The following CADM2 variants were observed in gnomAD, a reference collection of about 807,000 sequenced individuals.
CADM2 encodes cell adhesion molecule 2.
A neutral mutation model predicts 49.8 loss-of-function variants in CADM2; 12 were observed. That is an observed-to-expected ratio of 0.24 (90% CI 0.15 to 0.39). The LOEUF is 0.39. Among genes scored for constraint, CADM2 ranks in the 10% least tolerant of loss-of-function variants. The pLI is 1.00. For missense variants in CADM2, 378 were observed against 492.3 expected (o/e 0.77, Z 2.20); for synonymous variants, 214 against 175.4 (o/e 1.22, Z -1.74).
intron 1 of CADM2, among the ~76,000 whole-genome samples, chr3:85,675,574 C>A: frequency 6.6e-6 from 1 of 152,072 alleles, no homozygotes; most frequent in East Asian, 1.9e-4. Flanking sequence ...ATCTAACACC[C>A]CGATAGAATT....
chr3:85,640,902 C>G (rs2064689937), intron 1 of CADM2, among the ~76,000 whole-genome samples: 1 of 152,148 alleles, frequency 6.6e-6, no homozygotes, highest in Non-Finnish European at 1.5e-5. Context: ...ACATTTCTAT[C>G]TTGCTTCAGA....
At chr3:85,663,833 T>C (rs1318072333) in intron 1 of CADM2, among the ~76,000 whole-genome samples, 1 of 151,986 alleles carries the variant, frequency 6.6e-6, no homozygotes, top group African/African-American at 2.4e-5. Context: ...AAAAGAGTGG[T>C]TTATGCTATC....
At chr3:85,873,561 G>A (rs767079033) in intron 3 of CADM2, among the ~76,000 whole-genome samples, 1 of 152,134 alleles carries the variant, frequency 6.6e-6, no homozygotes, top group African/African-American at 2.4e-5. Context: ...AGCTACTGGG[G>A]AGGCTGAGAC....
At chr3:85,206,205 A>G (rs2041629137) in intron 1 of CADM2, among the ~76,000 whole-genome samples, 1 of 152,092 alleles carries the variant, frequency 6.6e-6, no homozygotes. Context: ...TTGTCAAATC[A>G]GAAACATAAG....
intron 1 of CADM2, among the ~76,000 whole-genome samples, chr3:85,675,911 T>C (rs2065875146): frequency 6.6e-6 from 1 of 152,174 alleles, no homozygotes; most frequent in Non-Finnish European, 1.5e-5. Flanking sequence ...GTGCATGGCA[T>C]TGGAAAACAA....
intron 3 of CADM2, among the ~76,000 whole-genome samples, chr3:85,838,511 A>T (rs2074500757): frequency 6.6e-6 from 1 of 151,850 alleles, no homozygotes; most frequent in Admixed American, 6.6e-5. Context: ...AAATAATTTT[A>T]ACAATTATTT....
chr3:84,997,719 C>T (rs1333541197), intron 1 of CADM2, among the ~76,000 whole-genome samples: 1 of 151,692 alleles, frequency 6.6e-6, no homozygotes, highest in East Asian at 1.9e-4. Context: ...AAAAAAACTC[C>T]ACAAATTTTC....
intron 1 of CADM2, among the ~76,000 whole-genome samples, chr3:85,592,420 C>T (rs138169732): frequency 1.2e-3 from 176 of 152,072 alleles, no homozygotes; most frequent in African/African-American, 4.1e-3. Context: ...CCAAATTCTA[C>T]AGGAGCTGCT....
At position 85,057,411 on chromosome 3, in the gene CADM2, G is replaced by A. The variant is rs544968541; in HGVS notation, c.61+97743G>A. 3.0e-4 allele frequency among the ~76,000 whole-genome samples: 45 copies of A among 151,528 alleles called. 1 individual carries two copies. In the South Asian group the frequency reaches 7.9e-3, roughly 27 times the overall value. On this transcript the variant is annotated intron_variant, in intron 1 of 9. Coordinates refer to ENST00000383699, the MANE Select transcript of CADM2 (RefSeq NM_001167675.2). ...TTACACAAATTCAGGATACACATCA[G>A]GACAGTCATAAAAATTATTAATTAA...
rs555813863 is a variant in CADM2 at position 84,976,247 on chromosome 3, G to A, written c.61+16579G>A. ...TATCTACATGTTCAGAAACCATTCC[G>A]TGTTTGATTCACTTTTTGAAAGTTG... is the stretch of plus-strand genomic sequence containing the variant. On this transcript the variant is annotated intron_variant, in intron 1 of 9. Coordinates refer to ENST00000383699, the MANE Select transcript of CADM2 (RefSeq NM_001167675.2). 7.9e-5 allele frequency among the ~76,000 whole-genome samples: 12 copies of A among 151,702 alleles called. No homozygotes were observed. The South Asian group carries it at 8.3e-4, about 11-fold the overall frequency.
chr3:85,542,865 G>T (rs2061578098), intron 1 of CADM2, among the ~76,000 whole-genome samples: 1 of 152,164 alleles, frequency 6.6e-6, no homozygotes, highest in Admixed American at 6.5e-5. Context: ...CTTTAAGTGA[G>T]CAGTACTTTA....
intron 1 of CADM2, among the ~76,000 whole-genome samples, chr3:84,984,198 A>G (rs2032401735): frequency 6.6e-6 from 1 of 151,908 alleles, no homozygotes; most frequent in Non-Finnish European, 1.5e-5. Flanking sequence ...ACTGCCTCCC[A>G]TATTTCTTCA....
intron 2 of CADM2, among the ~76,000 whole-genome samples, chr3:85,744,893 C>T (rs776857807): frequency 1.4e-4 from 21 of 152,070 alleles, no homozygotes; most frequent in East Asian, 7.7e-4. Context: ...GGCAGGGCAG[C>T]GGAAGAATGG....
chr3:85,336,317 A>G (rs2045077376), intron 1 of CADM2, among the ~76,000 whole-genome samples: 1 of 151,536 alleles, frequency 6.6e-6, no homozygotes, highest in South Asian at 2.1e-4. Context: ...GGATATGAAC[A>G]AAAGCTTTAA....
intron 1 of CADM2, among the ~76,000 whole-genome samples, chr3:84,977,824 G>A (rs1442392114): frequency 6.6e-6 from 1 of 152,074 alleles, no homozygotes; most frequent in Admixed American, 6.6e-5. Flanking sequence ...CTTAACAAAA[G>A]CAGTGTCTAC....
At chr3:85,550,709 A>T (rs1402564119) in intron 1 of CADM2, among the ~76,000 whole-genome samples, 1 of 152,124 alleles carries the variant, frequency 6.6e-6, no homozygotes, top group Non-Finnish European at 1.5e-5. Context: ...AAATGTTTCC[A>T]TTACTCTGTA....
intron 9 of CADM2, among the ~76,000 whole-genome samples, chr3:86,066,332 C>CGAAAAAAAAAAAAA (rs1739315369): frequency 3.3e-5 from 1 of 30,360 alleles, no homozygotes; most frequent in African/African-American, 2.1e-4. Context: ...GACTCCGTCT[C>CGAAAAAAAAAAAAA]AAAAAAAAAA....
chr3:85,207,017 A>G (rs2041659555), intron 1 of CADM2, among the ~76,000 whole-genome samples: 1 of 151,474 alleles, frequency 6.6e-6, no homozygotes, highest in African/African-American at 2.4e-5. Flanking sequence ...GGAGGAGCCT[A>G]CTAGGCAGAA....
rs890607649 is a variant in CADM2 at position 85,002,059 on chromosome 3, A to T, written c.61+42391A>T. On this transcript the variant is annotated intron_variant, in intron 1 of 9. Transcript: ENST00000383699. ...TTAAAAATTTTTATTCTACATTATG[A>T]TGTTATATTATGTTAGGACCACATT... is the stretch of plus-strand genomic sequence containing the variant. 1.2e-4 allele frequency among the ~76,000 whole-genome samples: 19 copies of T among 152,178 alleles called. No homozygotes were observed. The South Asian group carries it at 3.3e-3, about 27-fold the overall frequency.
Sources: allele counts gnomAD v4.1 joint callset (sites outside exome capture counted in the v4.1 genomes callset), GRCh38; gene constraint gnomAD v4.1.1; transcripts MANE v1.5; gene names NCBI Gene and HGNC (gene_info 2026-07-23, HGNC 2026-07-21).